Variants in CDC45 observed in about 807,000 individuals in gnomAD.
CDC45 encodes the protein cell division cycle 45.
In CDC45, 54 loss-of-function variants were observed where a neutral mutation model predicts 77.8. That is an observed-to-expected ratio of 0.69 (90% CI 0.56 to 0.87). The LOEUF (loss-of-function observed/expected upper bound fraction) is 0.87, where lower values mean the gene tolerates loss of function less well. Ranked by LOEUF, CDC45 falls within the 40% of genes least tolerant of loss-of-function variation. The pLI is 0.00. For synonymous variants in CDC45, 260 were observed against 272.1 expected (o/e 0.96, Z 0.44); for missense variants, 649 against 721.6 (o/e 0.90, Z 1.15).
intron 6 of CDC45, 36 bp from the exon 7 acceptor site, chr22:19,495,945 C>T: frequency 1.2e-5 from 18 of 1,527,134 alleles, no homozygotes; most frequent in Non-Finnish European, 1.5e-5. Context: ...TGTACTGCTA[C>T]TTCCTGTTGA....
intron 4 of CDC45, among the ~76,000 whole-genome samples, chr22:19,483,278 A>G (rs1165493075): frequency 6.6e-6 from 1 of 152,182 alleles, no homozygotes; most frequent in Non-Finnish European, 1.5e-5. Context: ...TAAAAATACA[A>G]AAAATTAGCC....
intron 18 of CDC45, among the ~76,000 whole-genome samples, chr22:19,519,700 G>GTCCA (rs1934005924): frequency 6.6e-6 from 1 of 152,180 alleles, no homozygotes; most frequent in African/African-American, 2.4e-5. Flanking sequence ...CCATCCGTCC[G>GTCCA]TCCATCCATC....
At chr22:19,508,143 T>A (rs1933308105) in intron 12 of CDC45, among the ~76,000 whole-genome samples, 1 of 152,074 alleles carries the variant, frequency 6.6e-6, no homozygotes, top group Admixed American at 6.5e-5. Context: ...GTGGGACCTG[T>A]GAGGTCGACC....
chr22:19,500,378 C>T (rs1417429935), intron 9 of CDC45, among the ~76,000 whole-genome samples: 1 of 152,072 alleles, frequency 6.6e-6, no homozygotes, highest in Non-Finnish European at 1.5e-5. Flanking sequence ...GAACCCAGCT[C>T]GCAGCACATC....
At chr22:19,504,939 C>G (rs1176358653) in intron 9 of CDC45, 2 of 188,632 alleles carry the variant, frequency 1.1e-5, no homozygotes, top group Non-Finnish European at 2.2e-5. Context: ...GACCTAGTGA[C>G]TGATGCTGAT....
In CDC45 at chr22:19,516,336, T is replaced by A. The variant is rs546640320; in HGVS notation, c.1441-191T>A. 1.9e-5 allele frequency: 12 copies of A among 626,774 alleles called. No homozygotes were observed. In the African/African-American group the frequency reaches 2.0e-4, roughly 10 times the overall value. The allele number at this position is 626,774 out of a possible 1,614,324, so 38.8% of individuals were successfully genotyped here. A position where few individuals can be genotyped will look rare whatever the true frequency, so the allele number is the denominator to read the frequency against. On this transcript the variant is annotated intron_variant, in intron 15 of 18. Coordinates refer to ENST00000263201, the MANE Select transcript of CDC45 (RefSeq NM_003504.5). ...GAGGGCAGGTGTTTGGAGAGCTCCC[T>A]GGACTGGGAGTTAGACACTGGCCTT...
chr22:19,494,208 G>A (rs1015348167), intron 5 of CDC45, 119 bp from the exon 6 acceptor site: 19 of 812,356 alleles, frequency 2.3e-5, no homozygotes, highest in Middle Eastern at 3.4e-4. Flanking sequence ...TGGTGTGACC[G>A]TGTTCTCTCT....
intron 9 of CDC45, among the ~76,000 whole-genome samples, chr22:19,500,704 C>T (rs200338917): frequency 1.3e-5 from 2 of 152,004 alleles, no homozygotes; most frequent in East Asian, 1.9e-4. Flanking sequence ...TTCCAGCCCT[C>T]CACAGTCTCC....
rs773459497 is a variant in CDC45 at position 19,499,100 on chromosome 22, G to T, written c.654-1G>T. On this transcript the variant is annotated splice_acceptor_variant, in intron 8 of 18. Coordinates refer to ENST00000263201, the MANE Select transcript of CDC45 (RefSeq NM_003504.5). LOFTEE classifies it high-confidence loss of function. Reference sequence around the variant, plus strand: ...GGCTCCACTGCCTTCTCTTCTTCCAGGTGGGCCATCGTTGGACTAACAGAC... The same window carrying T: ...GGCTCCACTGCCTTCTCTTCTTCCATGTGGGCCATCGTTGGACTAACAGAC... 1 of 1,614,156 alleles carries T rather than the reference G, an allele frequency of 6.2e-7. No individual in the cohort carries two copies. Among genetic ancestry groups the T allele is most frequent in the Admixed American group, 1.7e-5 (1 of 60,024 alleles).
intron 13 of CDC45, among the ~76,000 whole-genome samples, chr22:19,511,748 G>A (rs1411661151): frequency 1.3e-5 from 2 of 152,090 alleles, no homozygotes; most frequent in Non-Finnish European, 2.9e-5. Context: ...TATAAGATTT[G>A]TTAATTTTGA....
chr22:19,498,503 G>A lies in CDC45; in HGVS notation c.654-598G>A, dbSNP rs538165289. ...GTGGGCTGGCCGTCATGCTGGGGAA[G>A]CCAGGCCTTGCCTGGGTCTCAGGTA... On this transcript the variant is annotated intron_variant, in intron 8 of 18. Coordinates refer to ENST00000263201, the MANE Select transcript of CDC45 (RefSeq NM_003504.5). Among the ~76,000 whole-genome samples the A allele has an allele frequency of 1.1e-4, 16 of 152,366 alleles. No individual in the cohort carries two copies. In the South Asian group the frequency reaches 2.9e-3, roughly 28 times the overall value.
intron 9 of CDC45, among the ~76,000 whole-genome samples, chr22:19,504,275 TC>T (rs1394114199): frequency 6.6e-6 from 1 of 152,174 alleles, no homozygotes; most frequent in Non-Finnish European, 1.5e-5. Context: ...CTTGAGGAGT[TC>T]TGGGCTGGGC....
chr22:19,489,960 C>T (rs1374619866), intron 5 of CDC45, among the ~76,000 whole-genome samples: 11 of 152,228 alleles, frequency 7.2e-5, no homozygotes, highest in Non-Finnish European at 1.5e-5. Context: ...TTATAGCTCT[C>T]TTGTGCGCAC....
Position 19,498,123 on chromosome 22 carries a change from G to A in CDC45, c.653+676G>A, listed in dbSNP as rs193113329. Among the ~76,000 whole-genome samples, 31 of 152,190 alleles carry A rather than the reference G, an allele frequency of 2.0e-4. No individual in the cohort carries two copies. The East Asian group carries it at 4.4e-3, about 22-fold the overall frequency. The stretch of plus-strand genomic sequence containing the variant: ...CGGAAGGCAGAGGTTGTAGTGAGCC[G>A]AGACTGCGCCATTACACTCCAGCCT... On this transcript the variant is annotated intron_variant, in intron 8 of 18. Coordinates refer to ENST00000263201, the MANE Select transcript of CDC45 (RefSeq NM_003504.5).
In CDC45 at chr22:19,480,129, T is replaced by C. The variant is rs5748232; in HGVS notation, c.52-29T>C. On this transcript the variant is annotated intron_variant, in intron 1 of 18. Transcript: ENST00000263201. Reference sequence around the variant, plus strand: ...GGGAGGGCCGGGGTTCGGGTCGCCGTGTTCAGCCGGTCTGCTCTTCCCCGA... The same window carrying C: ...GGGAGGGCCGGGGTTCGGGTCGCCGCGTTCAGCCGGTCTGCTCTTCCCCGA... 914,092 of 1,613,198 alleles carry C rather than the reference T, an allele frequency of 0.57. 265,792 individuals carry two copies. Among genetic ancestry groups the C allele is most frequent in the Middle Eastern group, 0.68 (4,116 of 6,060 alleles).
chr22:19,514,116 G>C (rs748040523), intron 13 of CDC45, among the ~76,000 whole-genome samples: 3 of 152,114 alleles, frequency 2.0e-5, no homozygotes, highest in Non-Finnish European at 4.4e-5. Context: ...CAAATTATCT[G>C]TTTCTTCAGG....
At chr22:19,482,650 C>T in intron 3 of CDC45, 40 bp from the exon 4 acceptor site, 3 of 1,602,194 alleles carry the variant, frequency 1.9e-6, no homozygotes, top group Non-Finnish European at 2.6e-6. Flanking sequence ...AAAGGGGCCT[C>T]CTCGATATAG....
Position 19,497,407 on chromosome 22 carries a change from C to T in CDC45, c.613C>T (p.Leu205=), listed in dbSNP as rs746517643. ...GTSSAMVMFE[L]AWMLSKDLND... ...ACAGTCAGCCATGGTGATGTTTGAG[C>T]TGGCTTGGATGCTGTCCAAGGACCT... Residue 205 remains leucine (L), a synonymous_variant, in exon 8 of 19, where the codon CTG becomes TTG. Coordinates refer to ENST00000263201, the MANE Select transcript of CDC45 (RefSeq NM_003504.5). The T allele has an allele frequency of 1.2e-6, 2 of 1,613,998 alleles. No homozygotes were observed. The highest frequency in any genetic ancestry group is 2.7e-5 in the African/African-American group (2 of 74,930).
chr22:19,480,419 A>G (rs1337158983), intron 2 of CDC45, among the ~76,000 whole-genome samples: 2 of 152,194 alleles, frequency 1.3e-5, no homozygotes. Flanking sequence ...GGGGTGGGAT[A>G]AAGGATTAAG....
Sources: allele counts gnomAD v4.1 joint callset (sites outside exome capture counted in the v4.1 genomes callset), GRCh38; gene constraint gnomAD v4.1.1; transcripts MANE v1.5; gene names NCBI Gene and HGNC (gene_info 2026-07-23, HGNC 2026-07-21).